IQCM: variants seen among roughly 807,000 people sequenced by gnomAD.
IQCM encodes the protein IQ domain-containing protein M.
In IQCM, 45 loss-of-function variants were observed where a neutral mutation model predicts 57.6. The ratio of observed to expected loss-of-function variants is 0.78; its 90% CI spans 0.62 to 1.00. The LOEUF (loss-of-function observed/expected upper bound fraction) is 1.00, where lower values mean the gene tolerates loss of function less well. Ranked by LOEUF, IQCM falls within the 50% of genes least tolerant of loss-of-function variation. The pLI is 0.00. For synonymous variants in IQCM, 148 were observed against 158.9 expected, an observed-to-expected ratio of 0.93 and a Z score of 0.51; for missense variants, 468 against 511.6, an observed-to-expected ratio of 0.91 and a Z score of 0.82.
intron 7 of IQCM, among the ~76,000 whole-genome samples, chr4:149,640,435 A>G (rs1189241127): frequency 1.3e-5 from 2 of 152,234 alleles, no homozygotes; most frequent in Non-Finnish European, 2.9e-5. Context: ...TAACCTCTAC[A>G]TATACAATCT....
Position 149,415,301 on chromosome 4 carries a change from A to G in IQCM, c.1390+18095T>C, listed in dbSNP as rs192808429. On this transcript the variant is annotated intron_variant, in intron 13 of 13. Transcript: ENST00000636793. The stretch of plus-strand genomic sequence containing the variant: ...TCTTTGTAATTGATGATACCACTAT[A>G]TGAAAGAGAACCTGCCATCCACTGA... Among the ~76,000 whole-genome samples, 15 of 152,292 alleles carry G rather than the reference A, an allele frequency of 9.8e-5. No individual in the cohort carries two copies. In the East Asian group the frequency reaches 2.7e-3, roughly 27 times the overall value.
At chr4:149,423,243 C>T (rs1325405134) in intron 13 of IQCM, among the ~76,000 whole-genome samples, 1 of 151,900 alleles carries the variant, frequency 6.6e-6, no homozygotes, top group Admixed American at 6.6e-5. Context: ...AAGCAGGCAC[C>T]TTCTTCACAA....
intron 8 of IQCM, among the ~76,000 whole-genome samples, chr4:149,613,268 T>C (rs1051712632): frequency 3.3e-5 from 5 of 152,022 alleles, no homozygotes; most frequent in African/African-American, 4.8e-5. Flanking sequence ...TGAGCAAATA[T>C]GTTTTATATA....
At chr4:149,568,775 C>T (rs2149952892) in intron 9 of IQCM, among the ~76,000 whole-genome samples, 1 of 152,270 alleles carries the variant, frequency 6.6e-6, no homozygotes, top group South Asian at 2.1e-4. Flanking sequence ...GGGACCCTAT[C>T]TCAAAATACA....
chr4:149,706,156 T>C (rs1764143689), intron 5 of IQCM, among the ~76,000 whole-genome samples: 1 of 152,010 alleles, frequency 6.6e-6, no homozygotes, highest in African/African-American at 2.4e-5. Flanking sequence ...ACAATTCGTG[T>C]GACAAACTAG....
chr4:149,591,739 G>C (rs1490969873), intron 8 of IQCM, among the ~76,000 whole-genome samples: 1 of 152,108 alleles, frequency 6.6e-6, no homozygotes, highest in Non-Finnish European at 1.5e-5. Context: ...TGCTGAGAAT[G>C]ATGGTTTCCA....
rs1300940509 is a variant in IQCM at position 149,368,851 on chromosome 4, T to TAC, written c.1391-16787_1391-16786dup. On this transcript the variant is annotated intron_variant, in intron 13 of 13. Coordinates refer to ENST00000636793, the MANE Select transcript of IQCM (RefSeq NM_001363507.2). Reference sequence around the variant, plus strand: ...ATACATGTATATATATACATATATATACATGTATATATATACATATATACA... The same window carrying TAC: ...ATACATGTATATATATACATATATATACACATGTATATATATACATATATACA... Among the ~76,000 whole-genome samples, 2 of 60,770 alleles carry TAC rather than the reference T, an allele frequency of 3.3e-5. 1 individual carries two copies. The highest frequency in any genetic ancestry group is 1.3e-4 in the African/African-American group (2 of 15,568). 39.9% of individuals were successfully genotyped at this position (60,770 alleles called of 152,430 possible).
chr4:149,465,501 G>C (rs761493240), intron 12 of IQCM, among the ~76,000 whole-genome samples: 1 of 152,130 alleles, frequency 6.6e-6, no homozygotes, highest in Non-Finnish European at 1.5e-5. Context: ...TCCCCAAAGA[G>C]CTTGCTGAGA....
intron 12 of IQCM, among the ~76,000 whole-genome samples, chr4:149,488,343 T>A (rs936671959): frequency 6.6e-6 from 1 of 152,184 alleles, no homozygotes; most frequent in African/African-American, 2.4e-5. Flanking sequence ...AATATAGTTA[T>A]GCTAAAATGA....
At chr4:149,778,248 C>T (rs897588652) in intron 2 of IQCM, among the ~76,000 whole-genome samples, 3 of 152,016 alleles carry the variant, frequency 2.0e-5, no homozygotes, top group Non-Finnish European at 2.9e-5. Flanking sequence ...TGGTCGCAGG[C>T]GCCTGTAGTC....
chr4:149,760,148 A>G (rs1769368418), intron 2 of IQCM, among the ~76,000 whole-genome samples: 1 of 152,070 alleles, frequency 6.6e-6, no homozygotes. Flanking sequence ...GCCCAGTTAA[A>G]GGACAGCAAG....
intron 4 of IQCM, among the ~76,000 whole-genome samples, chr4:149,734,986 C>T (rs1009168640): frequency 5.3e-5 from 8 of 152,052 alleles, no homozygotes; most frequent in Non-Finnish European, 1.5e-5. Context: ...ATGTATCATG[C>T]TAAGGTAATC....
chr4:149,573,145 G>C (rs1190706848), intron 9 of IQCM, among the ~76,000 whole-genome samples: 2 of 151,654 alleles, frequency 1.3e-5, no homozygotes. Flanking sequence ...GTAATAATTT[G>C]AGTAAATGCT....
chr4:149,387,142 G>A (rs181813823), intron 13 of IQCM, among the ~76,000 whole-genome samples: 1 of 152,126 alleles, frequency 6.6e-6, no homozygotes, highest in Admixed American at 6.6e-5. Context: ...CAAGATCAAG[G>A]TATTAGCAGA....
chr4:149,612,920 C>CA (rs1033598247), intron 8 of IQCM, among the ~76,000 whole-genome samples: 4 of 151,642 alleles, frequency 2.6e-5, no homozygotes, highest in East Asian at 3.9e-4. Flanking sequence ...TTCAAAATGT[C>CA]AAAAAAAATC....
intron 12 of IQCM, among the ~76,000 whole-genome samples, chr4:149,526,469 A>T (rs1041109280): frequency 1.1e-4 from 16 of 152,060 alleles, no homozygotes; most frequent in Non-Finnish European, 2.1e-4. Context: ...ATATCATCAA[A>T]AAAGTTCTTT....
At chr4:149,456,013 T>C (rs369145892) in intron 12 of IQCM, among the ~76,000 whole-genome samples, 67 of 151,868 alleles carry the variant, frequency 4.4e-4, no homozygotes, top group African/African-American at 1.4e-3. Context: ...AGAAAAGATT[T>C]CTTACTTCAC....
intron 2 of IQCM, among the ~76,000 whole-genome samples, chr4:149,803,516 T>A (rs1380290687): frequency 3.9e-5 from 6 of 152,016 alleles, no homozygotes; most frequent in African/African-American, 1.4e-4. Context: ...TTCCTTTGAT[T>A]TCCAATCTGA....
intron 12 of IQCM, among the ~76,000 whole-genome samples, chr4:149,530,862 C>T (rs1746677043): frequency 7.6e-6 from 1 of 132,082 alleles, no homozygotes; most frequent in African/African-American, 2.9e-5. Flanking sequence ...CTATTTTAAA[C>T]CATAAAATCT....
Sources: allele counts gnomAD v4.1 joint callset (sites outside exome capture counted in the v4.1 genomes callset), GRCh38; gene constraint gnomAD v4.1.1; transcripts MANE v1.5; gene names NCBI Gene and HGNC (gene_info 2026-07-23, HGNC 2026-07-21).